The following ZNRF3 variants were observed in gnomAD, a reference collection of about 807,000 sequenced individuals.
ZNRF3 encodes the protein zinc and ring finger 3, also known as E3 ubiquitin-protein ligase ZNRF3.
ZNRF3 carries 23 observed loss-of-function variants against 72.5 expected under a neutral mutation model. The observed-to-expected ratio is 0.32, with a 90% CI of 0.23 to 0.45. The LOEUF (loss-of-function observed/expected upper bound fraction) is 0.45. Ranked by LOEUF, ZNRF3 falls within the 20% of genes least tolerant of loss-of-function variation. ZNRF3 has a pLI of 1.00. For synonymous variants in ZNRF3, 610 were observed against 545.3 expected (o/e 1.12, Z -1.65); for missense variants, 1,169 against 1,272.1 (o/e 0.92, Z 1.23).
chr22:29,056,740 A>G lies in ZNRF3; in HGVS notation c.*3118A>G, dbSNP rs774904433. On this transcript the variant is annotated 3_prime_UTR_variant, in exon 9 of 9. Transcript: ENST00000544604. ...TGAAGAGTTCTAGAACCAGCTAAAAATGGAAGTTTGGGTGTTTACCAACAA... is the reference window on the plus strand; with the variant it reads ...TGAAGAGTTCTAGAACCAGCTAAAAGTGGAAGTTTGGGTGTTTACCAACAA... The G allele has an allele frequency of 3.3e-5, 5 of 152,230 alleles. No individual in the cohort carries two copies. Among genetic ancestry groups the G allele is most frequent in the Admixed American group, 6.5e-5 (1 of 15,286 alleles). 9.4% of individuals were successfully genotyped at this position (152,230 alleles called of 1,614,324 possible).
intron 2 of ZNRF3, among the ~76,000 whole-genome samples, chr22:29,038,338 CTTT>C (rs541653084): frequency 2.2e-5 from 3 of 138,042 alleles, no homozygotes; most frequent in African/African-American, 5.3e-5. Flanking sequence ...TGTTCTGTTG[CTTT>C]TTTTTTTTTT....
rs560006529 is a variant in ZNRF3 at position 29,050,011 on chromosome 22, G to C, written c.1830G>C (p.Ala610=). 2 of 1,611,204 alleles carry C rather than the reference G, an allele frequency of 1.2e-6. No individual in the cohort carries two copies. The highest frequency in any genetic ancestry group is 1.7e-5 in the Admixed American group (1 of 59,900). ...RSRSPCRASE[A]GGSGSSGRGP... is the part of the protein sequence containing the mutation. ...GGAGCCCCTGTCGTGCCAGTGAGGC[G>C]GGGGGCTCGGGCAGCTCGGGCCGGG... Residue 610 remains alanine, a synonymous_variant, in exon 8 of 9, where the codon GCG becomes GCC. Coordinates refer to ENST00000544604, the MANE Select transcript of ZNRF3 (RefSeq NM_001206998.2).
intron 1 of ZNRF3, among the ~76,000 whole-genome samples, chr22:28,890,197 C>T (rs991934780): frequency 1.3e-5 from 2 of 152,178 alleles, no homozygotes; most frequent in Non-Finnish European, 2.9e-5. Flanking sequence ...TATTACAATA[C>T]TGGGTTGTAT....
At chr22:28,903,569 TA>T (rs1299232561) in intron 1 of ZNRF3, among the ~76,000 whole-genome samples, 1 of 152,126 alleles carries the variant, frequency 6.6e-6, no homozygotes, top group Non-Finnish European at 1.5e-5. Flanking sequence ...AATTTTTTTT[TA>T]AATCCCCTCC....
intron 2 of ZNRF3, among the ~76,000 whole-genome samples, chr22:29,028,946 C>T (rs2036694264): frequency 6.6e-6 from 1 of 152,218 alleles, no homozygotes; most frequent in African/African-American, 2.4e-5. Context: ...CCCTAAACTC[C>T]CCTAAGATGA....
At chr22:29,020,873 T>G (rs1387635683) in intron 2 of ZNRF3, among the ~76,000 whole-genome samples, 1 of 151,338 alleles carries the variant, frequency 6.6e-6, no homozygotes, top group Non-Finnish European at 1.5e-5. Flanking sequence ...CTTGGCTCAC[T>G]GCAAGCTCCA....
chr22:28,942,771 T>C (rs1022583916), intron 1 of ZNRF3, among the ~76,000 whole-genome samples: 8 of 152,216 alleles, frequency 5.3e-5, no homozygotes, highest in Non-Finnish European at 7.3e-5. Flanking sequence ...CAGCTTCTAC[T>C]CAAATTAAGA....
chr22:28,923,728 A>C (rs909668673), intron 1 of ZNRF3, among the ~76,000 whole-genome samples: 2 of 152,234 alleles, frequency 1.3e-5, no homozygotes, highest in Non-Finnish European at 2.9e-5. Flanking sequence ...AATATCTATA[A>C]AAGCTTCTTT....
At chr22:28,991,872 G>A (rs2035959229) in intron 2 of ZNRF3, among the ~76,000 whole-genome samples, 1 of 152,090 alleles carries the variant, frequency 6.6e-6, no homozygotes, top group Non-Finnish European at 1.5e-5. Context: ...CCTGGGCACG[G>A]TGGCTCACAC....
At chr22:29,044,004 T>C (rs977369582) in intron 4 of ZNRF3, among the ~76,000 whole-genome samples, 20 of 152,240 alleles carry the variant, frequency 1.3e-4, no homozygotes, top group African/African-American at 4.8e-4. Context: ...AACCAGCCTC[T>C]TCTGCTCAAA....
chr22:29,029,689 GT>G (rs754245703), intron 2 of ZNRF3, among the ~76,000 whole-genome samples: 24 of 152,278 alleles, frequency 1.6e-4, no homozygotes, highest in Non-Finnish European at 2.6e-4. Flanking sequence ...CTGGGCTCGA[GT>G]TTTTTTGTTT....
intron 8 of ZNRF3, among the ~76,000 whole-genome samples, chr22:29,051,200 C>A (rs796412091): frequency 7.9e-5 from 12 of 152,252 alleles, no homozygotes; most frequent in African/African-American, 2.9e-4. Context: ...CAGCAGTACT[C>A]ATTTCCCCCT....
intron 2 of ZNRF3, chr22:28,993,015 G>A (rs769689450): frequency 2.0e-5 from 3 of 152,364 alleles, no homozygotes; most frequent in Non-Finnish European, 4.4e-5. Context: ...GTTCTTCAAG[G>A]AGCATTGAAA....
At chr22:28,946,571 C>T (rs1026181215) in intron 1 of ZNRF3, among the ~76,000 whole-genome samples, 14 of 152,198 alleles carry the variant, frequency 9.2e-5, no homozygotes, top group Admixed American at 3.9e-4. Context: ...TTACTAAATA[C>T]GGACGAATGG....
At chr22:29,013,710 C>T (rs763916750) in intron 2 of ZNRF3, among the ~76,000 whole-genome samples, 28 of 152,166 alleles carry the variant, frequency 1.8e-4, no homozygotes, top group Admixed American at 1.1e-3. Context: ...TTGACTCATT[C>T]CTGGCTAAAT....
intron 2 of ZNRF3, among the ~76,000 whole-genome samples, chr22:29,019,863 T>C (rs1048540294): frequency 6.6e-6 from 1 of 152,110 alleles, no homozygotes; most frequent in African/African-American, 2.4e-5. Context: ...AAATAGGAAA[T>C]AGGGATTTCC....
intron 1 of ZNRF3, among the ~76,000 whole-genome samples, chr22:28,886,423 C>G (rs2033788333): frequency 6.6e-6 from 1 of 152,160 alleles, no homozygotes; most frequent in African/African-American, 2.4e-5. Context: ...CTTTTCAAAA[C>G]CTCCTTTTAT....
intron 1 of ZNRF3, among the ~76,000 whole-genome samples, chr22:28,934,653 A>G (rs990197933): frequency 1.3e-5 from 2 of 151,994 alleles, no homozygotes; most frequent in African/African-American, 4.8e-5. Context: ...CCCCGTCTCT[A>G]CTAAAAGTAC....
Position 28,883,694 on chromosome 22 carries a change from C to A in ZNRF3, c.-73C>A. On this transcript the variant is annotated 5_prime_UTR_variant, in exon 1 of 9. Coordinates refer to ENST00000544604, the MANE Select transcript of ZNRF3 (RefSeq NM_001206998.2). The surrounding 1 kb of genome is among the most constrained non-coding windows in gnomAD (Gnocchi z 5.5). ...GTGATGGGGCTGTGAGGCGTCCGCC[C>A]GCGTTCGGTCCTCAGCCGGCCCGCG... 1 of 983,014 alleles carries A rather than the reference C, an allele frequency of 1.0e-6. No homozygotes were observed. Among genetic ancestry groups the A allele is most frequent in the South Asian group, 4.5e-5 (1 of 22,004 alleles). The allele number at this position is 983,014 out of a possible 1,614,324, so 60.9% of individuals were successfully genotyped here.
Sources: gnomAD v4.1 joint callset for allele counts (sites outside exome capture counted in the v4.1 genomes callset) on GRCh38, gnomAD v4.1.1 for gene constraint, Gnocchi (gnomAD v3.1) non-coding constraint, MANE v1.5 for transcripts, NCBI Gene and HGNC (gene_info 2026-07-23, HGNC 2026-07-21) for gene names.